The following ZNF521 variants were observed in gnomAD, a reference collection of about 807,000 sequenced individuals.
The protein encoded by ZNF521 is LYST-interacting protein 3.
Under a neutral mutation model 105.5 loss-of-function variants are expected in ZNF521, and 14 were observed. The observed-to-expected ratio is 0.13, with a 90% CI of 0.09 to 0.21. ZNF521 has a LOEUF of 0.21. Ranked by LOEUF, ZNF521 falls within the 10% of genes least tolerant of loss-of-function variation. The pLI is 1.00. For synonymous variants in ZNF521, 635 were observed against 606.0 expected, an observed-to-expected ratio of 1.05 and a Z score of -0.70; for missense variants, 1,233 against 1,629.7, an observed-to-expected ratio of 0.76 and a Z score of 4.19.
In ZNF521 at chr18:25,224,738, G is replaced by T. The variant is rs369504383; in HGVS notation, c.3180C>A (p.His1060Gln). 3 of 1,613,912 alleles carry T rather than the reference G, an allele frequency of 1.9e-6. No individual in the cohort carries two copies. The highest frequency in any genetic ancestry group is 2.5e-6 in the Non-Finnish European group (3 of 1,179,976). Residue 1060 changes from histidine (H) to glutamine (Q), a missense_variant, in exon 4 of 8, where the codon CAC (histidine) becomes CAA (glutamine). Physicochemically the swap from His to Gln is conservative, Grantham distance 24. Around this residue, in one of 6 missense-constraint regions of ZNF521, gnomAD observed 614 missense variants for 751.5 expected, o/e 0.82. Coordinates refer to ENST00000361524, the MANE Select transcript of ZNF521 (RefSeq NM_015461.3). ...ATGCGCACTTATACAGTTTTTGGAC[G>T]TGCTGGCCCCGCCCTGTGGTCTGAA... The part of the protein sequence containing the change: ...SAVQTTGRGQ[H>Q]VQKLYKCASC...
intron 2 of ZNF521, among the ~76,000 whole-genome samples, chr18:25,348,153 T>A (rs903316236): frequency 2.0e-5 from 3 of 152,218 alleles, no homozygotes; most frequent in African/African-American, 7.2e-5. Flanking sequence ...AGCAAAGTGT[T>A]GTTCACTGCA....
chr18:25,080,088 G>C (rs2033458855), intron 7 of ZNF521, among the ~76,000 whole-genome samples: 1 of 152,210 alleles, frequency 6.6e-6, no homozygotes, highest in African/African-American at 2.4e-5. Flanking sequence ...GGATCACGCA[G>C]GAAAGAAGCT....
intron 4 of ZNF521, among the ~76,000 whole-genome samples, chr18:25,218,070 G>C (rs1374630473): frequency 6.6e-6 from 1 of 152,126 alleles, no homozygotes; most frequent in African/African-American, 2.4e-5. Context: ...GGAGAGGGCA[G>C]GGAAAAGAAG....
intron 3 of ZNF521, among the ~76,000 whole-genome samples, chr18:25,250,778 A>G (rs1320224148): frequency 6.6e-6 from 1 of 152,242 alleles, no homozygotes; most frequent in African/African-American, 2.4e-5. Context: ...GGTCTTTTCC[A>G]ACATATCATT....
intron 5 of ZNF521, among the ~76,000 whole-genome samples, chr18:25,099,007 G>T (rs2033910149): frequency 6.6e-6 from 1 of 152,154 alleles, no homozygotes; most frequent in African/African-American, 2.4e-5. Flanking sequence ...AAAGAGTGGT[G>T]TGTGGCAGCT....
chr18:25,116,623 A>C (rs544751682), intron 5 of ZNF521, among the ~76,000 whole-genome samples: 10 of 152,152 alleles, frequency 6.6e-5, no homozygotes, highest in South Asian at 4.1e-4. Context: ...ACAAACAATC[A>C]TCAACCTGAA....
At chr18:25,281,821 AGT>A (rs1161455072) in intron 3 of ZNF521, among the ~76,000 whole-genome samples, 2 of 152,180 alleles carry the variant, frequency 1.3e-5, no homozygotes, top group Non-Finnish European at 2.9e-5. Flanking sequence ...TGCAGTTTAG[AGT>A]ATCTTACCAG....
Position 25,089,593 on chromosome 18 carries a change from A to C in ZNF521, c.3791-13T>G, listed in dbSNP as rs751717504. The stretch of plus-strand genomic sequence containing the variant: ...GCTTGAACAAATACTGAAATGATAA[A>C]AGAATGATGAACTTGGGTTATTTTG... On this transcript the variant is annotated splice_polypyrimidine_tract_variant and intron_variant, in intron 6 of 7. Coordinates refer to ENST00000361524, the MANE Select transcript of ZNF521 (RefSeq NM_015461.3). The C allele has an allele frequency of 1.2e-6, 2 of 1,600,762 alleles. No individual in the cohort carries two copies. The highest frequency in any genetic ancestry group is 2.7e-5 in the African/African-American group (2 of 74,602).
rs535176901 is a variant in ZNF521 at position 25,229,984 on chromosome 18, A to G, written c.221-2287T>C. Among the ~76,000 whole-genome samples, 38 of 152,300 alleles carry G rather than the reference A, an allele frequency of 2.5e-4. 1 individual carries two copies. The South Asian group carries it at 7.7e-3, about 31-fold the overall frequency. ...TTATAAAAATTATGCAATCCCTAACACCAGGCTTAATTCAGGTTCTTGTCT... is the reference window on the plus strand; with the variant it reads ...TTATAAAAATTATGCAATCCCTAACGCCAGGCTTAATTCAGGTTCTTGTCT... On this transcript the variant is annotated intron_variant, in intron 3 of 7. Transcript: ENST00000361524.
At chr18:25,073,550 C>G (rs1193039139) in intron 7 of ZNF521, among the ~76,000 whole-genome samples, 3 of 152,162 alleles carry the variant, frequency 2.0e-5, no homozygotes, top group Non-Finnish European at 4.4e-5. Context: ...GATTTAAACT[C>G]TGGTCCACCA....
chr18:25,337,379 G>A (rs1369405163), intron 2 of ZNF521, among the ~76,000 whole-genome samples: 2 of 152,020 alleles, frequency 1.3e-5, no homozygotes, highest in African/African-American at 4.8e-5. Flanking sequence ...GGCAAACTGG[G>A]GAAAATATTT....
At chr18:25,104,144 G>A (rs1027795384) in intron 5 of ZNF521, among the ~76,000 whole-genome samples, 2 of 152,124 alleles carry the variant, frequency 1.3e-5, no homozygotes, top group Non-Finnish European at 2.9e-5. Context: ...AAATATGTCT[G>A]GGGCACAATA....
chr18:25,282,338 A>G (rs573364855), intron 3 of ZNF521, among the ~76,000 whole-genome samples: 1 of 152,254 alleles, frequency 6.6e-6, no homozygotes, highest in East Asian at 1.9e-4. Flanking sequence ...AAACATGCAC[A>G]TCGGAACCAC....
At chr18:25,222,555 TCACA>T (rs929202250) in intron 4 of ZNF521, among the ~76,000 whole-genome samples, 2 of 152,024 alleles carry the variant, frequency 1.3e-5, no homozygotes, top group African/African-American at 4.8e-5. Flanking sequence ...AACACCAAAA[TCACA>T]CACACAGACA....
At chr18:25,102,667 T>A (rs966443107) in intron 5 of ZNF521, among the ~76,000 whole-genome samples, 20 of 152,100 alleles carry the variant, frequency 1.3e-4, no homozygotes, top group African/African-American at 4.8e-4. Flanking sequence ...AGGTGTGTGC[T>A]GCCATGCATG....
chr18:25,160,536 A>T (rs536746566), intron 5 of ZNF521, among the ~76,000 whole-genome samples: 1 of 152,304 alleles, frequency 6.6e-6, no homozygotes, highest in East Asian at 1.9e-4. Flanking sequence ...ACACATATAC[A>T]TACACACACA....
In ZNF521 at chr18:25,226,619, T is replaced by A. The variant is rs747024774; in HGVS notation, c.1299A>T (p.Pro433=). ...IHLKTMHLDK[P]EQAHICQYCL... The stretch of plus-strand genomic sequence containing the variant: ...AATACTGACAAATATGGGCCTGTTC[T>A]GGCTTATCTAAGTGCATAGTTTTCA... The change falls in exon 4 of 8, where the codon CCA becomes CCT. Residue 433 remains proline (P), a synonymous_variant. Coordinates refer to ENST00000361524, the MANE Select transcript of ZNF521 (RefSeq NM_015461.3). The surrounding 1 kb of genome is among the most constrained non-coding windows in gnomAD (Gnocchi z 4.1). The A allele has an allele frequency of 1.1e-5, 18 of 1,614,104 alleles. No homozygotes were observed. Among genetic ancestry groups the A allele is most frequent in the Non-Finnish European group, 1.5e-5 (18 of 1,180,044 alleles).
At position 25,350,727 on chromosome 18, in the gene ZNF521, C is replaced by G. The variant is rs376720301; in HGVS notation, c.40+180G>C. On this transcript the variant is annotated intron_variant, in intron 2 of 7. Transcript: ENST00000361524. ...TCCTCCTCCCGTCTTCGTCTCCCCCCACCCCGACACCTCACCCTCACTCCA... is the reference window on the plus strand; with the variant it reads ...TCCTCCTCCCGTCTTCGTCTCCCCCGACCCCGACACCTCACCCTCACTCCA... Among the ~76,000 whole-genome samples the G allele has an allele frequency of 3.0e-4, 46 of 151,814 alleles. No homozygotes were observed. The East Asian group carries it at 5.3e-3, about 18-fold the overall frequency.
chr18:25,091,273 C>T (rs1400856359), intron 6 of ZNF521, among the ~76,000 whole-genome samples: 1 of 152,084 alleles, frequency 6.6e-6, no homozygotes, highest in Non-Finnish European at 1.5e-5. Context: ...AGGGGAATAC[C>T]ACAAATATGT....
Sources: gnomAD v4.1 joint callset for allele counts (sites outside exome capture counted in the v4.1 genomes callset) on GRCh38, gnomAD v4.1.1 for gene constraint, gnomAD v4.1.1 regional missense constraint, Gnocchi (gnomAD v3.1) non-coding constraint, MANE v1.5 for transcripts, NCBI Gene and HGNC (gene_info 2026-07-23, HGNC 2026-07-21) for gene names.